Variants in SBNO1 observed in about 807,000 individuals in gnomAD.
SBNO1 encodes the protein protein strawberry notch homolog 1.
A neutral mutation model predicts 173.6 loss-of-function variants in SBNO1; 23 were observed. The observed-to-expected ratio is 0.13, with a 90% CI of 0.10 to 0.19. SBNO1 has a LOEUF of 0.19. Ranked by LOEUF, SBNO1 falls within the 10% of genes least tolerant of loss-of-function variation. The pLI is 1.00. For missense variants in SBNO1, 1,238 were observed against 1,671.2 expected (o/e 0.74, Z 4.52); for synonymous variants, 632 against 571.5 (o/e 1.11, Z -1.51).
chr12:123,301,906 T>C (rs2048800026), intron 30 of SBNO1, among the ~76,000 whole-genome samples: 1 of 150,808 alleles, frequency 6.6e-6, no homozygotes, highest in African/African-American at 2.4e-5. Flanking sequence ...CAAAAAAACA[T>C]GAAGGGAGAG....
intron 4 of SBNO1, among the ~76,000 whole-genome samples, chr12:123,341,341 C>T (rs528928381): frequency 1.3e-5 from 2 of 151,796 alleles, no homozygotes; most frequent in East Asian, 3.9e-4. Flanking sequence ...CCCAGCTACT[C>T]GGGAGACTGA....
At chr12:123,302,091 C>A (rs1268716307) in intron 30 of SBNO1, among the ~76,000 whole-genome samples, 3 of 151,938 alleles carry the variant, frequency 2.0e-5, no homozygotes, top group African/African-American at 4.8e-5. Flanking sequence ...GCATGCGCCA[C>A]CACACCCAGC....
chr12:123,349,316 G>A (rs1873608317), intron 2 of SBNO1, among the ~76,000 whole-genome samples: 1 of 151,916 alleles, frequency 6.6e-6, no homozygotes, highest in African/African-American at 2.4e-5. Flanking sequence ...TGCCCAGGCT[G>A]GTCTCAAACT....
rs1470408853 is a variant in SBNO1, at chr12:123,320,048, T to C, written c.2668-17A>G. On this transcript the variant is annotated splice_polypyrimidine_tract_variant and intron_variant, in intron 19 of 31. Transcript: ENST00000602398. ...GCCAGTCATCTGAGAAGCCAAACAA[T>C]GTCATTACAATGAAGGTATCTGACT... 6 of 1,613,714 alleles carry C rather than the reference T, an allele frequency of 3.7e-6. No individual in the cohort carries two copies. Among genetic ancestry groups the C allele is most frequent in the Non-Finnish European group, 4.2e-6 (5 of 1,179,896 alleles).
chr12:123,307,020 T>TAAAAAAAAAAAAAAAA (rs34105162), intron 28 of SBNO1, among the ~76,000 whole-genome samples: 16 of 64,432 alleles, frequency 2.5e-4, no homozygotes, highest in Middle Eastern at 0.012. Flanking sequence ...TCAACTGCAT[T>TAAAAAAAAAAAAAAAA]AAAAAAAAAA....
intron 7 of SBNO1, among the ~76,000 whole-genome samples, chr12:123,332,123 A>G (rs1871290974): frequency 6.6e-6 from 1 of 152,072 alleles, no homozygotes; most frequent in South Asian, 2.1e-4. Flanking sequence ...TGCTGAGATT[A>G]CAGGCACGAG....
intron 21 of SBNO1, 99 bp from the exon 22 acceptor site, chr12:123,315,759 GAAACCACT>G: frequency 1.5e-6 from 1 of 689,152 alleles, no homozygotes; most frequent in Non-Finnish European, 2.6e-6. Context: ...CTGGTATTGG[GAAACCACT>G]AAACAATAAA....
chr12:123,328,539 G>C (rs1870840371), intron 10 of SBNO1, among the ~76,000 whole-genome samples, 195 bp downstream of exon 10: 1 of 152,050 alleles, frequency 6.6e-6, no homozygotes, highest in African/African-American at 2.4e-5. Context: ...TTCTAAACCA[G>C]GAGATTAAAC....
At chr12:123,333,935 T>C in intron 7 of SBNO1, 118 bp downstream of exon 7, 1 of 624,754 alleles carries the variant, frequency 1.6e-6, no homozygotes, top group Non-Finnish European at 2.5e-6. Context: ...CATTAAACTT[T>C]CATAAATATT....
chr12:123,320,662 A>G, intron 18 of SBNO1, 37 bp downstream of exon 18: 4 of 1,596,570 alleles, frequency 2.5e-6, no homozygotes, highest in Non-Finnish European at 3.4e-6. Flanking sequence ...TTTTTGTTTA[A>G]AACAGTATTT....
At chr12:123,298,534 C>G (rs545105677) in intron 30 of SBNO1, among the ~76,000 whole-genome samples, 4 of 152,174 alleles carry the variant, frequency 2.6e-5, no homozygotes, top group Non-Finnish European at 5.9e-5. Flanking sequence ...GGATTACAGG[C>G]GTGAGCCACC....
chr12:123,314,461 C>G (rs2138941040), intron 23 of SBNO1, among the ~76,000 whole-genome samples: 1 of 152,020 alleles, frequency 6.6e-6, no homozygotes. Flanking sequence ...TCCCAAGTAG[C>G]TAGGACTACA....
rs1456320357 is a variant in SBNO1 at position 123,302,935 on chromosome 12, A to C, written c.3769-35T>G. 2.0e-6 allele frequency: 3 copies of C among 1,482,142 alleles called. No individual in the cohort carries two copies. In the African/African-American group the frequency reaches 4.2e-5, roughly 21 times the overall value. The allele number at this position is 1,482,142 out of a possible 1,614,324, so 91.8% of individuals were successfully genotyped here. A position where few individuals can be genotyped will look rare whatever the true frequency, so the allele number is the denominator to read the frequency against. The stretch of plus-strand genomic sequence containing the variant: ...TGAGAAGAATTTCATTGAAAACAGT[A>C]TTGCTTTAAATAAACTGGTTACCTA... On this transcript the variant is annotated intron_variant, in intron 29 of 31. Coordinates refer to ENST00000602398, the MANE Select transcript of SBNO1 (RefSeq NM_001167856.3).
intron 14 of SBNO1, among the ~76,000 whole-genome samples, chr12:123,325,924 T>C (rs1031511292): frequency 6.6e-6 from 1 of 152,216 alleles, no homozygotes; most frequent in African/African-American, 2.4e-5. Flanking sequence ...ATGTTACCAG[T>C]GCTACCAGCT....
rs1486215010 is a variant in SBNO1, at chr12:123,338,919, C to T, written c.651+2069G>A. On this transcript the variant is annotated intron_variant, in intron 5 of 31. Coordinates refer to ENST00000602398, the MANE Select transcript of SBNO1 (RefSeq NM_001167856.3). ...ACACACACACACACACACGCCCCCC[C>T]CCCCCTCCCCGACTAGTTTGGTTGA... Among the ~76,000 whole-genome samples, 4 of 16,940 alleles carry T rather than the reference C, an allele frequency of 2.4e-4. 1 individual carries two copies. Among genetic ancestry groups the T allele is most frequent in the South Asian group, 0.014 (2 of 142 alleles). The allele number at this position is 16,940 out of a possible 152,430, so 11.1% of individuals were successfully genotyped here.
At chr12:123,308,238 C>T (rs949116513) in intron 28 of SBNO1, among the ~76,000 whole-genome samples, 6 of 152,092 alleles carry the variant, frequency 3.9e-5, no homozygotes, top group African/African-American at 1.4e-4. Context: ...TGTGCGCACA[C>T]ACACCCCTTA....
At chr12:123,324,712 A>T (rs1870408212) in intron 15 of SBNO1, among the ~76,000 whole-genome samples, 1 of 152,170 alleles carries the variant, frequency 6.6e-6, no homozygotes, top group Admixed American at 6.5e-5. Context: ...TTGAATGTGG[A>T]GGTTAGGCAA....
At position 123,361,497 on chromosome 12, in the gene SBNO1, G is replaced by A. The variant is rs546165167; in HGVS notation, c.-1+3204C>T. Among the ~76,000 whole-genome samples, 72 of 151,674 alleles carry A rather than the reference G, an allele frequency of 4.7e-4. 1 individual carries two copies. In the South Asian group the frequency reaches 0.014, roughly 29 times the overall value. ...CGGGAGGGGGAGGTTGCAGTGGGCC[G>A]AGATCGCGCCATTGCACTCCAGCCT... On this transcript the variant is annotated intron_variant, in intron 1 of 31. Coordinates refer to ENST00000602398, the MANE Select transcript of SBNO1 (RefSeq NM_001167856.3).
At chr12:123,359,919 G>C (rs942823882) in intron 1 of SBNO1, among the ~76,000 whole-genome samples, 1 of 152,112 alleles carries the variant, frequency 6.6e-6, no homozygotes, top group African/African-American at 2.4e-5. Flanking sequence ...TTATTAATTG[G>C]TATTTAATGC....
Sources: gnomAD v4.1 joint callset for allele counts (sites outside exome capture counted in the v4.1 genomes callset) on GRCh38, gnomAD v4.1.1 for gene constraint, MANE v1.5 for transcripts, NCBI Gene and HGNC (gene_info 2026-07-23, HGNC 2026-07-21) for gene names.